ATP7B: variants seen among roughly 807,000 people sequenced by gnomAD.
The protein encoded by ATP7B is ATPase copper transporting beta.
In ATP7B, 113 loss-of-function variants were observed where a neutral mutation model predicts 118.9. That is an observed-to-expected ratio of 0.95 (90% confidence interval 0.82 to 1.11). ATP7B has a LOEUF of 1.11. ATP7B is among the 50% of genes most tolerant of loss of function. The pLI, the probability that ATP7B is intolerant of heterozygous loss-of-function variation, is 0.00. For missense variants in ATP7B, 1,867 were observed against 1,871.4 expected, an observed-to-expected ratio of 1.00 and a Z score of 0.04; for synonymous variants, 777 against 727.4, an observed-to-expected ratio of 1.07 and a Z score of -1.10.
chr13:51,938,077 C>T (rs968077625), intron 17 of ATP7B, among the ~76,000 whole-genome samples: 1 of 152,196 alleles, frequency 6.6e-6, no homozygotes, highest in African/African-American at 2.4e-5. Flanking sequence ...CTTGGGTCTG[C>T]TTCCGAGGGT....
intron 1 of ATP7B, among the ~76,000 whole-genome samples, chr13:51,988,998 A>G (rs865907253): frequency 7.2e-5 from 11 of 152,166 alleles, no homozygotes; most frequent in African/African-American, 2.7e-4. Flanking sequence ...TGACACGTGT[A>G]TATCTATGTA....
At chr13:51,952,708 T>C (rs1052191866) in intron 9 of ATP7B, among the ~76,000 whole-genome samples, 2 of 152,246 alleles carry the variant, frequency 1.3e-5, no homozygotes, top group Non-Finnish European at 2.9e-5. Flanking sequence ...TTTGCATCAT[T>C]ATTTTCCTTT....
At chr13:51,989,961 T>C (rs577809728) in intron 1 of ATP7B, among the ~76,000 whole-genome samples, 5 of 152,288 alleles carry the variant, frequency 3.3e-5, no homozygotes, top group African/African-American at 4.8e-5. Flanking sequence ...ATAAAACAAA[T>C]GTATTCCTTT....
Position 51,934,517 on chromosome 13 carries a change from G to A in ATP7B, c.*239C>T, listed in dbSNP as rs1348032012. ...AGTCCAGCCAAGGACTAGAGTCCAAGACAAAGCCCATGCTGACGGTCCCGT... is the reference window on the plus strand; with the variant it reads ...AGTCCAGCCAAGGACTAGAGTCCAAAACAAAGCCCATGCTGACGGTCCCGT... On this transcript the variant is annotated 3_prime_UTR_variant, in exon 21 of 21. Coordinates refer to ENST00000242839, the MANE Select transcript of ATP7B (RefSeq NM_000053.4). The A allele has an allele frequency of 1.6e-6, 1 of 608,562 alleles. No homozygotes were observed. The highest frequency in any genetic ancestry group is 3.0e-5 in the East Asian group (1 of 33,406). 37.7% of individuals were successfully genotyped at this position (608,562 alleles called of 1,614,324 possible).
In ATP7B at chr13:51,961,930, G is replaced by C; in HGVS notation, c.1870-17C>G. 1 of 1,603,030 alleles carries C rather than the reference G, an allele frequency of 6.2e-7. No individual in the cohort carries two copies. The highest frequency in any genetic ancestry group is 1.1e-5 in the South Asian group (1 of 90,822). On this transcript the variant is annotated splice_polypyrimidine_tract_variant and intron_variant, in intron 5 of 20. Coordinates refer to ENST00000242839, the MANE Select transcript of ATP7B (RefSeq NM_000053.4). ...GCCAATTTCCTTGTCATTAAAAAGA[G>C]AGGGGTGGGGAAAAAGGAGGAAGGT...
chr13:51,975,636 T>G, intron 1 of ATP7B: 1 of 477,718 alleles, frequency 2.1e-6, no homozygotes. Flanking sequence ...AACCCCAGAA[T>G]AGTCAACACC....
intron 15 of ATP7B, among the ~76,000 whole-genome samples, chr13:51,941,691 C>T (rs367620786): frequency 1.3e-5 from 2 of 152,178 alleles, no homozygotes; most frequent in East Asian, 3.9e-4. Context: ...ATGCACCTCT[C>T]ACCTATCACT....
Position 51,961,866 on chromosome 13 carries a change from A to C in ATP7B, c.1917T>G (p.His639Gln). The C allele has an allele frequency of 1.2e-6, 2 of 1,613,980 alleles. No individual in the cohort carries two copies. Among genetic ancestry groups the C allele is most frequent in the East Asian group, 4.5e-5 (2 of 44,876 alleles). Residue 639 changes from histidine (H) to glutamine (Q), a missense_variant, in exon 6 of 21, where the codon CAT (histidine) becomes CAG (glutamine). Transcript: ENST00000242839. Reference protein sequence around the residue: ...ASLAQRNPNAHHLDHKMEIKQ... With the variant: ...ASLAQRNPNAQHLDHKMEIKQ... ...TTATTTCCATCTTGTGGTCCAAGTG[A>C]TGAGCGTTGGGGTTTCTCTGGGCCA... is the stretch of plus-strand genomic sequence containing the variant.
chr13:51,939,983 A>G (rs566195441), intron 16 of ATP7B, among the ~76,000 whole-genome samples: 2 of 146,238 alleles, frequency 1.4e-5, no homozygotes, highest in Non-Finnish European at 3.0e-5. Flanking sequence ...GAATCTGAGC[A>G]CTAAAACACA....
chr13:51,947,963 G>C (rs1957767896), intron 12 of ATP7B: 1 of 152,246 alleles, frequency 6.6e-6, no homozygotes, highest in Non-Finnish European at 1.5e-5. Flanking sequence ...TTAGGACTGA[G>C]TCTTCCCATG....
At chr13:51,967,774 C>T (rs935702934) in intron 4 of ATP7B, among the ~76,000 whole-genome samples, 3 of 152,242 alleles carry the variant, frequency 2.0e-5, no homozygotes, top group African/African-American at 2.4e-5. Context: ...TTCTAAGTCT[C>T]CCTTTGCTTA....
At chr13:51,966,776 G>A (rs571274459) in intron 4 of ATP7B, 106 of 1,601,164 alleles carry the variant, frequency 6.6e-5, no homozygotes, top group South Asian at 7.8e-5. Flanking sequence ...GGAAGATGGC[G>A]CCTGCTGGAC....
At chr13:51,980,555 GC>G (rs1952364611) in intron 1 of ATP7B, among the ~76,000 whole-genome samples, 1 of 152,206 alleles carries the variant, frequency 6.6e-6, no homozygotes, top group African/African-American at 2.4e-5. Flanking sequence ...CTCTGGATAA[GC>G]CATTCTGATA....
intron 19 of ATP7B, among the ~76,000 whole-genome samples, chr13:51,937,056 CT>C (rs1271904791): frequency 1.3e-5 from 2 of 151,664 alleles, no homozygotes; most frequent in East Asian, 3.9e-4. Flanking sequence ...TCTCCACTAG[CT>C]TTTTAGAAAG....
chr13:52,008,883 CT>C (rs11332842), intron 1 of ATP7B, among the ~76,000 whole-genome samples: 67,005 of 151,136 alleles, frequency 0.44, 15,941 homozygotes, highest in Non-Finnish European at 0.53. Flanking sequence ...CTTTTCTTTT[CT>C]TTTTTTTTGA....
intron 3 of ATP7B, among the ~76,000 whole-genome samples, chr13:51,969,427 G>T (rs866010062): frequency 1.3e-5 from 2 of 151,722 alleles, no homozygotes; most frequent in Non-Finnish European, 2.9e-5. Flanking sequence ...GTTACCGGAA[G>T]GATATCCTTT....
In ATP7B at chr13:51,965,676, T is replaced by C. The variant is rs201907374; in HGVS notation, c.1708-643A>G. Among the ~76,000 whole-genome samples the C allele has an allele frequency of 2.6e-5, 4 of 152,232 alleles. No individual in the cohort carries two copies. In the East Asian group the frequency reaches 7.7e-4, roughly 29 times the overall value. ...ACGACAGGCAGGATAGCATGATGTA[T>C]TCAGGCAAACATCAAAAGCCAGGCT... On this transcript the variant is annotated intron_variant, in intron 4 of 20. Coordinates refer to ENST00000242839, the MANE Select transcript of ATP7B (RefSeq NM_000053.4).
At position 51,937,339 on chromosome 13, in the gene ATP7B, T is replaced by C. The variant is rs2138561490; in HGVS notation, c.3958A>G (p.Arg1320Gly). The C allele has an allele frequency of 6.2e-7, 1 of 1,614,134 alleles. No homozygotes were observed. Among genetic ancestry groups the C allele is most frequent in the Non-Finnish European group, 8.5e-7 (1 of 1,180,034 alleles). The change falls in exon 19 of 21, where the codon AGG becomes GGG. Residue 1320 changes from arginine to glycine, a missense_variant. Arg to Gly is a moderately radical substitution (Grantham distance 125). Transcript: ENST00000242839. ...GCCAGGACCAGGTTGATGCGTATCC[T>C]TCGGACAGTCCTCTTGGAAAGGTGA... Reference protein sequence around the residue: ...SIHLSKRTVRRIRINLVLALI... With the variant: ...SIHLSKRTVRGIRINLVLALI...
chr13:51,943,763 T>C (rs1256936522), intron 14 of ATP7B, among the ~76,000 whole-genome samples: 1 of 152,044 alleles, frequency 6.6e-6, no homozygotes, highest in Non-Finnish European at 1.5e-5. Flanking sequence ...TTGTGTCCCC[T>C]TGCACTAAGC....
Sources: allele counts gnomAD v4.1 joint callset (sites outside exome capture counted in the v4.1 genomes callset), GRCh38; gene constraint gnomAD v4.1.1; transcripts MANE v1.5; gene names NCBI Gene and HGNC (gene_info 2026-07-23, HGNC 2026-07-21).